JPH2: variants seen among roughly 807,000 people sequenced by gnomAD.
JPH2 encodes the protein junctophilin 2.
In JPH2, 38 loss-of-function variants were observed where a neutral mutation model predicts 55.9. The ratio of observed to expected loss-of-function variants is 0.68; its 90% CI spans 0.52 to 0.89. The LOEUF (loss-of-function observed/expected upper bound fraction) is 0.89. JPH2 is among the 40% of genes least tolerant of loss of function. The pLI is 0.00. For missense variants in JPH2, 964 were observed against 1,037.6 expected (o/e 0.93, Z 0.97); for synonymous variants, 480 against 472.4 (o/e 1.02, Z -0.21).
At chr20:44,114,735 C>A in intron 5 of JPH2, 47 bp downstream of exon 5, 2 of 1,426,098 alleles carry the variant, frequency 1.4e-6, no homozygotes, top group East Asian at 2.4e-5. Flanking sequence ...TCAAAACTCC[C>A]CAGGGGCTCC....
intron 2 of JPH2, among the ~76,000 whole-genome samples, chr20:44,125,822 C>G (rs1266077175): frequency 1.3e-5 from 2 of 151,952 alleles, no homozygotes; most frequent in African/African-American, 4.8e-5. Context: ...AATAAGGGCA[C>G]GCGTCTCCAA....
intron 2 of JPH2, among the ~76,000 whole-genome samples, chr20:44,149,635 C>T (rs889920380): frequency 2.6e-5 from 4 of 152,204 alleles, no homozygotes; most frequent in Admixed American, 6.5e-5. Flanking sequence ...CCCCCCAACC[C>T]CTGCTCCTAA....
At chr20:44,131,270 C>G (rs898597147) in intron 2 of JPH2, among the ~76,000 whole-genome samples, 3 of 152,168 alleles carry the variant, frequency 2.0e-5, no homozygotes, top group Non-Finnish European at 4.4e-5. Flanking sequence ...GCCCCTCAGT[C>G]TAATAGGCTG....
intron 1 of JPH2, among the ~76,000 whole-genome samples, chr20:44,173,118 G>C (rs1186776906): frequency 1.3e-5 from 2 of 152,092 alleles, no homozygotes; most frequent in Non-Finnish European, 2.9e-5. Context: ...ATAATTAACA[G>C]TCCTTTCTTG....
At chr20:44,137,478 C>T (rs920430020) in intron 2 of JPH2, among the ~76,000 whole-genome samples, 1 of 152,194 alleles carries the variant, frequency 6.6e-6, no homozygotes, top group Non-Finnish European at 1.5e-5. Context: ...GTCACTGACA[C>T]CCACTCGCAC....
chr20:44,140,162 C>T (rs564661164), intron 2 of JPH2, among the ~76,000 whole-genome samples: 5 of 152,268 alleles, frequency 3.3e-5, no homozygotes, highest in South Asian at 4.1e-4. Flanking sequence ...TGAGCCACTG[C>T]GCCTGGCCGA....
In JPH2 at chr20:44,133,589, C is replaced by A. The variant is rs116779896; in HGVS notation, c.1170-14966G>T. On this transcript the variant is annotated intron_variant, in intron 2 of 5. Coordinates refer to ENST00000372980, the MANE Select transcript of JPH2 (RefSeq NM_020433.5). ...GCTTCCAGTGTGCCCAGCCGACTGACTGGAGGCCCCAGCAAGAGGCCAGAG... is the reference window on the plus strand; with the variant it reads ...GCTTCCAGTGTGCCCAGCCGACTGAATGGAGGCCCCAGCAAGAGGCCAGAG... Among the ~76,000 whole-genome samples, 217 of 152,046 alleles carry A rather than the reference C, an allele frequency of 1.4e-3. 1 individual carries two copies. Among genetic ancestry groups the A allele is most frequent in the African/African-American group, 5.1e-3 (212 of 41,478 alleles).
Position 44,160,090 on chromosome 20 carries a change from C to A in JPH2, c.697G>T (p.Ala233Ser). 2.0e-6 allele frequency: 3 copies of A among 1,531,276 alleles called. No individual in the cohort carries two copies. Among genetic ancestry groups the A allele is most frequent in the African/African-American group, 1.4e-5 (1 of 72,918 alleles). The allele number at this position is 1,531,276 out of a possible 1,614,324, so 94.9% of individuals were successfully genotyped here. The change falls in exon 2 of 6, where the codon GCA (alanine) becomes TCA (serine). Residue 233 changes from alanine (A) to serine (S), a missense_variant. Transcript: ENST00000372980. This position sits in a 1 kb window ranked among gnomAD's most constrained non-coding sequence, Gnocchi z 4.9. ...CTACCCACGGACGTGCGCGACTCTG[C>A]GCGCCGCAGCTTGCCCAGCAGCGCG... Reference protein sequence around the residue: ...RGALLGKLRRAESRTSVGSQR... With the variant: ...RGALLGKLRRSESRTSVGSQR...
chr20:44,127,546 C>T (rs1031890554), intron 2 of JPH2, among the ~76,000 whole-genome samples: 1 of 149,588 alleles, frequency 6.7e-6, no homozygotes, highest in Non-Finnish European at 1.5e-5. Flanking sequence ...AGTGCAGTGG[C>T]GCAATCTCAG....
chr20:44,134,178 ATATATAAATATT>A (rs1439281263), intron 2 of JPH2, among the ~76,000 whole-genome samples: 408 of 30,890 alleles, frequency 0.013, 106 homozygotes, highest in Non-Finnish European at 0.014. Context: ...TTTATTATAA[ATATATAAATATT>A]TATTATAAAT....
Position 44,160,357 on chromosome 20 carries a change from G to A in JPH2, c.430C>T (p.Arg144Cys). 2 of 1,600,354 alleles carry A rather than the reference G, an allele frequency of 1.2e-6. No homozygotes were observed. The highest frequency in any genetic ancestry group is 8.5e-7 in the Non-Finnish European group (1 of 1,174,284). The change falls in exon 2 of 6, where the codon CGC becomes TGC. Residue 144 changes from arginine to cysteine, a missense_variant. Arg to Cys is a radical substitution (Grantham distance 180, BLOSUM62 -3). Coordinates refer to ENST00000372980, the MANE Select transcript of JPH2 (RefSeq NM_020433.5). The surrounding 1 kb of genome is among the most constrained non-coding windows in gnomAD (Gnocchi z 4.9). ...TNGMRHGYGV[R>C]QSVPYGMAVV... Reference sequence around the variant, plus strand: ...GCCATCCCGTAGGGCACGCTCTGGCGTACTCCGTAGCCATGGCGCATGCCG... The same window carrying A: ...GCCATCCCGTAGGGCACGCTCTGGCATACTCCGTAGCCATGGCGCATGCCG...
chr20:44,149,715 A>T (rs1241108838), intron 2 of JPH2, among the ~76,000 whole-genome samples: 1 of 152,220 alleles, frequency 6.6e-6, no homozygotes, highest in East Asian at 1.9e-4. Context: ...ACAGTGGCTC[A>T]TGCCTGTAAT....
rs1357927776 is a variant in JPH2, at chr20:44,109,959, T to C, written c.*3559A>G. Among the ~76,000 whole-genome samples, 1 of 152,180 alleles carries C rather than the reference T, an allele frequency of 6.6e-6. No individual in the cohort carries two copies. The highest frequency in any genetic ancestry group is 2.4e-5 in the African/African-American group (1 of 41,450). On this transcript the variant is annotated 3_prime_UTR_variant, in exon 6 of 6. Coordinates refer to ENST00000372980, the MANE Select transcript of JPH2 (RefSeq NM_020433.5). Reference sequence around the variant, plus strand: ...TGGGCCAGCATTGCTTTTAAGTTCATGCATGGTACAAACCACCTTAAATGC... The same window carrying C: ...TGGGCCAGCATTGCTTTTAAGTTCACGCATGGTACAAACCACCTTAAATGC...
At chr20:44,150,933 GA>G (rs1483366401) in intron 2 of JPH2, among the ~76,000 whole-genome samples, 6 of 152,134 alleles carry the variant, frequency 3.9e-5, no homozygotes, top group African/African-American at 1.4e-4. Flanking sequence ...GGGAGGCTGA[GA>G]TGGGAGGATC....
At chr20:44,181,616 G>A (rs1419880073) in intron 1 of JPH2, among the ~76,000 whole-genome samples, 1 of 152,226 alleles carries the variant, frequency 6.6e-6, no homozygotes, top group African/African-American at 2.4e-5. Flanking sequence ...AACCTTTGAG[G>A]ATAAAATGCA....
intron 2 of JPH2, among the ~76,000 whole-genome samples, chr20:44,158,058 T>C (rs1238927878): frequency 6.6e-6 from 1 of 152,182 alleles, no homozygotes; most frequent in Non-Finnish European, 1.5e-5. Context: ...AATGAGTTAA[T>C]ATAGGTAAAG....
intron 2 of JPH2, among the ~76,000 whole-genome samples, chr20:44,121,057 AAGG>A (rs2072232676): frequency 9.0e-6 from 1 of 110,882 alleles, no homozygotes; most frequent in Non-Finnish European, 1.9e-5. Context: ...ATATGCCGTG[AAGG>A]AGGAGTAGAG....
At chr20:44,121,755 G>A (rs1372642194) in intron 2 of JPH2, among the ~76,000 whole-genome samples, 3 of 151,954 alleles carry the variant, frequency 2.0e-5, no homozygotes, top group African/African-American at 7.3e-5. Context: ...GGGAGGCTGA[G>A]GCAGGAAGAT....
In JPH2 at chr20:44,112,853, T is replaced by C. The variant is rs2072156379; in HGVS notation, c.*665A>G. ...GATCCATGGGGTCTCCCCTCGTCTA[T>C]TGGTCCAGAAGGGAAGCTAACTGGA... On this transcript the variant is annotated 3_prime_UTR_variant, in exon 6 of 6. Coordinates refer to ENST00000372980, the MANE Select transcript of JPH2 (RefSeq NM_020433.5). 2 of 152,292 alleles carry C rather than the reference T, an allele frequency of 1.3e-5. No individual in the cohort carries two copies. The highest frequency in any genetic ancestry group is 2.1e-4 in the South Asian group (1 of 4,834). 9.4% of individuals were successfully genotyped at this position (152,292 alleles called of 1,614,324 possible).
Sources: allele counts gnomAD v4.1 joint callset (sites outside exome capture counted in the v4.1 genomes callset), GRCh38; gene constraint gnomAD v4.1.1; non-coding constraint Gnocchi (gnomAD v3.1); transcripts MANE v1.5; gene names NCBI Gene and HGNC (gene_info 2026-07-23, HGNC 2026-07-21).